The following ELAPOR2 variants were observed in gnomAD, a reference collection of about 807,000 sequenced individuals.
The protein encoded by ELAPOR2 is endosome-lysosome associated apoptosis and autophagy regulator family member 2, also known as endosome/lysosome-associated apoptosis and autophagy regulator family member 2.
A neutral mutation model predicts 120.7 loss-of-function variants in ELAPOR2; 89 were observed. The observed-to-expected ratio is 0.74, with a 90% CI of 0.62 to 0.88. The LOEUF is 0.88. ELAPOR2 is among the 40% of genes least tolerant of loss of function. ELAPOR2 has a pLI of 0.00. For synonymous variants in ELAPOR2, 444 were observed against 444.9 expected (o/e 1.00, Z 0.03); for missense variants, 1,134 against 1,251.6 (o/e 0.91, Z 1.42).
At chr7:86,939,588 G>C (rs1001863143) in intron 6 of ELAPOR2, among the ~76,000 whole-genome samples, 5 of 152,094 alleles carry the variant, frequency 3.3e-5, no homozygotes, top group African/African-American at 1.2e-4. Flanking sequence ...GCTCAGAGAA[G>C]CATAAAAGGT....
At chr7:86,979,947 T>C (rs753218209) in intron 1 of ELAPOR2, among the ~76,000 whole-genome samples, 1 of 152,156 alleles carries the variant, frequency 6.6e-6, no homozygotes, top group Non-Finnish European at 1.5e-5. Context: ...CTAAAAATCA[T>C]GGTTTCAGGC....
chr7:86,916,666 A>T (rs2116137177), intron 12 of ELAPOR2, among the ~76,000 whole-genome samples: 1 of 152,294 alleles, frequency 6.6e-6, no homozygotes, highest in East Asian at 1.9e-4. Context: ...CTAAGCTGAG[A>T]CCCAGAAATG....
In ELAPOR2 at chr7:86,954,963, G is replaced by A. The variant is rs932624581; in HGVS notation, c.311-7041C>T. Among the ~76,000 whole-genome samples, 102 of 152,228 alleles carry A rather than the reference G, an allele frequency of 6.7e-4. 2 individuals carry two copies. Among genetic ancestry groups the A allele is most frequent in the Non-Finnish European group, 1.5e-5 (1 of 67,972 alleles). On this transcript the variant is annotated intron_variant, in intron 2 of 21. Transcript: ENST00000450689. Reference sequence around the variant, plus strand: ...ACAAAGAAAGAGAACAATGCTTAGTGTGTGAACCTCACAAATAAGTTCTAC... The same window carrying A: ...ACAAAGAAAGAGAACAATGCTTAGTATGTGAACCTCACAAATAAGTTCTAC...
chr7:86,947,910 G>C lies in ELAPOR2; in HGVS notation c.323C>G (p.Ala108Gly). The C allele has an allele frequency of 1.3e-6, 2 of 1,550,880 alleles. No individual in the cohort carries two copies. Among genetic ancestry groups the C allele is most frequent in the Non-Finnish European group, 1.7e-6 (2 of 1,146,064 alleles). The part of the protein sequence containing the change: ...VRGKECTFSC[A>G]SGEYLEMKNQ... ...CTTCATTTCTAGATACTCTCCAGAA[G>C]CACAGGAGAAAGCTGGAAGGCAGAA... Residue 108 changes from alanine to glycine, a missense_variant, in exon 3 of 22, where the codon GCT becomes GGT. Coordinates refer to ENST00000450689, the MANE Select transcript of ELAPOR2 (RefSeq NM_001142749.3).
rs1304296985 is a variant in ELAPOR2, at chr7:86,879,115, C to T, written c.*1356G>A. The T allele has an allele frequency of 1.3e-5, 2 of 152,100 alleles. No individual in the cohort carries two copies. The highest frequency in any genetic ancestry group is 4.8e-5 in the African/African-American group (2 of 41,426). 9.4% of individuals were successfully genotyped at this position (152,100 alleles called of 1,614,324 possible). ...TATTTTTTTAAATCTGCATTAAGGT[C>T]TATAAAGATTACTGTTTATTGGAAA... On this transcript the variant is annotated 3_prime_UTR_variant, in exon 22 of 22. Coordinates refer to ENST00000450689, the MANE Select transcript of ELAPOR2 (RefSeq NM_001142749.3).
At chr7:86,932,326 C>T (rs1445385212) in intron 8 of ELAPOR2, among the ~76,000 whole-genome samples, 4 of 151,930 alleles carry the variant, frequency 2.6e-5, no homozygotes, top group Admixed American at 6.6e-5. Flanking sequence ...TCAACAGGCT[C>T]CTGCCTCCTC....
At chr7:86,983,769 C>T (rs56994317) in intron 1 of ELAPOR2, among the ~76,000 whole-genome samples, 2,717 of 152,286 alleles carry the variant, frequency 0.018, 81 homozygotes, top group African/African-American at 0.063. Flanking sequence ...TAGGAAGAAA[C>T]TGCATCAACT....
At chr7:86,938,769 C>T in intron 7 of ELAPOR2, 39 bp downstream of exon 7, 1 of 1,604,846 alleles carries the variant, frequency 6.2e-7, no homozygotes, top group Non-Finnish European at 8.5e-7. Context: ...GACCAACATA[C>T]ATTTAGAAAG....
At chr7:86,939,067 A>C in intron 6 of ELAPOR2, 107 bp from the exon 7 acceptor site, 1 of 1,194,248 alleles carries the variant, frequency 8.4e-7, no homozygotes, top group Non-Finnish European at 1.2e-6. Context: ...TATGAACAGT[A>C]AGGTCAGCCC....
At chr7:86,954,806 C>A (rs925522179) in intron 2 of ELAPOR2, among the ~76,000 whole-genome samples, 1 of 152,024 alleles carries the variant, frequency 6.6e-6, no homozygotes, top group African/African-American at 2.4e-5. Context: ...GCCCATATGT[C>A]TATTTTTCTT....
chr7:87,049,716 T>C (rs989658837), intron 1 of ELAPOR2, among the ~76,000 whole-genome samples: 11 of 152,202 alleles, frequency 7.2e-5, no homozygotes, highest in Non-Finnish European at 1.6e-4. Context: ...ACAGAGGCCT[T>C]GAGAAAGGAG....
intron 18 of ELAPOR2, among the ~76,000 whole-genome samples, chr7:86,904,163 TGCTGTGG>T (rs1788859042): frequency 6.6e-6 from 1 of 152,228 alleles, no homozygotes; most frequent in South Asian, 2.1e-4. Context: ...ATCTTGTGGA[TGCTGTGG>T]CACCTCTATT....
intron 1 of ELAPOR2, among the ~76,000 whole-genome samples, chr7:86,999,286 A>T (rs1793233075): frequency 6.6e-6 from 1 of 152,156 alleles, no homozygotes; most frequent in South Asian, 2.1e-4. Context: ...GAATTTTTTT[A>T]AAAATTAGTT....
At chr7:86,911,488 C>T (rs912538278) in intron 15 of ELAPOR2, 1 of 387,184 alleles carries the variant, frequency 2.6e-6, no homozygotes, top group East Asian at 7.1e-5. Context: ...ATACATACTT[C>T]CCAACCCTAA....
chr7:87,059,236 C>G, intron 1 of ELAPOR2, 89 bp downstream of exon 1: 1 of 1,235,652 alleles, frequency 8.1e-7, no homozygotes, highest in Non-Finnish European at 1.0e-6. Flanking sequence ...AAGGGGATGG[C>G]AAACAGAAAT....
intron 19 of ELAPOR2, among the ~76,000 whole-genome samples, chr7:86,894,896 G>A (rs1372213102): frequency 6.6e-6 from 1 of 152,038 alleles, no homozygotes; most frequent in East Asian, 1.9e-4. Flanking sequence ...TTAGAACCCA[G>A]TATAGATTTT....
intron 1 of ELAPOR2, among the ~76,000 whole-genome samples, chr7:87,015,568 C>T (rs1011498793): frequency 1.8e-4 from 27 of 152,264 alleles, no homozygotes; most frequent in Admixed American, 1.6e-3. Flanking sequence ...AGGTGGATCA[C>T]ATGAGGCCAG....
At chr7:86,910,759 A>C (rs1450047092) in intron 15 of ELAPOR2, among the ~76,000 whole-genome samples, 1 of 148,748 alleles carries the variant, frequency 6.7e-6, no homozygotes, top group Non-Finnish European at 1.5e-5. Context: ...TAAATGTAAA[A>C]ATAATACAGG....
chr7:86,961,260 A>C (rs1791695455), intron 2 of ELAPOR2, among the ~76,000 whole-genome samples: 1 of 152,214 alleles, frequency 6.6e-6, no homozygotes, highest in Non-Finnish European at 1.5e-5. Flanking sequence ...TTCATTTAGA[A>C]AGTGGTGTGT....
Sources: gnomAD v4.1 joint callset for allele counts (sites outside exome capture counted in the v4.1 genomes callset) on GRCh38, gnomAD v4.1.1 for gene constraint, MANE v1.5 for transcripts, NCBI Gene and HGNC (gene_info 2026-07-23, HGNC 2026-07-21) for gene names.